PRKD1: variants seen among roughly 807,000 people sequenced by gnomAD.
PRKD1 encodes protein kinase D1.
In PRKD1, 63 loss-of-function variants were observed where a neutral mutation model predicts 95.9. The observed-to-expected ratio is 0.66, with a 90% confidence interval of 0.54 to 0.81. PRKD1 has a LOEUF of 0.81. PRKD1 is among the 30% of genes least tolerant of loss of function. The probability of loss-of-function intolerance (pLI) is 0.00; values close to 1 mark genes in which losing one functional copy is unlikely to be tolerated. For synonymous variants in PRKD1, 425 were observed against 423.1 expected (o/e 1.00, Z -0.05); for missense variants, 1,048 against 1,165.3 (o/e 0.90, Z 1.47).
intron 1 of PRKD1, among the ~76,000 whole-genome samples, chr14:29,819,392 A>G (rs962994163): frequency 6.6e-6 from 1 of 152,150 alleles, no homozygotes. Context: ...GAGCACATAA[A>G]TAATAAAGCA....
intron 1 of PRKD1, among the ~76,000 whole-genome samples, chr14:29,732,656 A>G (rs758325115): frequency 6.6e-6 from 1 of 152,162 alleles, no homozygotes; most frequent in Non-Finnish European, 1.5e-5. Flanking sequence ...GATGGCAAAC[A>G]CTTTTCTCAG....
chr14:29,616,696 T>A (rs1171878437), intron 13 of PRKD1, among the ~76,000 whole-genome samples: 2 of 152,154 alleles, frequency 1.3e-5, no homozygotes, highest in African/African-American at 4.8e-5. Context: ...AAGCAAAGGG[T>A]TGGCAGGGCT....
intron 1 of PRKD1, among the ~76,000 whole-genome samples, chr14:29,746,139 T>C (rs1031242797): frequency 6.6e-6 from 1 of 152,054 alleles, no homozygotes; most frequent in Non-Finnish European, 1.5e-5. Context: ...GTGTGGAACC[T>C]CCAGGTCTCT....
chr14:29,801,800 T>C (rs1328711602), intron 1 of PRKD1, among the ~76,000 whole-genome samples: 1 of 152,228 alleles, frequency 6.6e-6, no homozygotes, highest in Non-Finnish European at 1.5e-5. Flanking sequence ...GCGTTTCTCC[T>C]GCCTCAGCAT....
chr14:29,665,368 C>A (rs1259087202), intron 3 of PRKD1, among the ~76,000 whole-genome samples: 1 of 152,084 alleles, frequency 6.6e-6, no homozygotes, highest in Non-Finnish European at 1.5e-5. Flanking sequence ...AGTTTTTCAT[C>A]CCTCAGCCAC....
intron 1 of PRKD1, among the ~76,000 whole-genome samples, chr14:29,899,542 G>T (rs544658188): frequency 4.9e-4 from 75 of 152,276 alleles, no homozygotes; most frequent in African/African-American, 1.8e-3. Flanking sequence ...AGCTACTCAG[G>T]AGGCTGAAGC....
intron 4 of PRKD1, among the ~76,000 whole-genome samples, chr14:29,651,780 G>C (rs1881520399): frequency 6.6e-6 from 1 of 150,678 alleles, no homozygotes; most frequent in South Asian, 2.1e-4. Flanking sequence ...TTTTGTTCTT[G>C]TTGTGCAGTC....
chr14:29,626,201 T>G (rs563335993), intron 12 of PRKD1, among the ~76,000 whole-genome samples: 2 of 152,328 alleles, frequency 1.3e-5, no homozygotes, highest in African/African-American at 4.8e-5. Flanking sequence ...ATATTTTGTC[T>G]GATATTCCAA....
chr14:29,775,995 G>A lies in PRKD1; in HGVS notation c.265-50321C>T, dbSNP rs549366581. The stretch of plus-strand genomic sequence containing the variant: ...CAACATTGGCTGTTCTGCAATACTC[G>A]CTCTTCTGCAGCCTCCGTTGGTGGT... On this transcript the variant is annotated intron_variant, in intron 1 of 17. Transcript: ENST00000331968. 4.6e-5 allele frequency among the ~76,000 whole-genome samples: 7 copies of A among 152,232 alleles called. No individual in the cohort carries two copies. In the South Asian group the frequency reaches 8.3e-4, roughly 18 times the overall value.
At chr14:29,633,039 G>A (rs1880128957) in intron 8 of PRKD1, 93 bp from the exon 9 acceptor site, 12 of 1,172,160 alleles carry the variant, frequency 1.0e-5, no homozygotes, top group South Asian at 1.0e-4. Context: ...AGGGACATGC[G>A]ATTTGAGGGT....
At chr14:29,709,153 A>G (rs1313902009) in intron 2 of PRKD1, among the ~76,000 whole-genome samples, 1 of 152,196 alleles carries the variant, frequency 6.6e-6, no homozygotes, top group Non-Finnish European at 1.5e-5. Context: ...AAGTTGTCCC[A>G]TAAAGTTAGC....
intron 1 of PRKD1, among the ~76,000 whole-genome samples, chr14:29,860,681 T>C (rs1346415167): frequency 6.6e-6 from 1 of 152,232 alleles, no homozygotes. Context: ...TTTCACTTAA[T>C]AAACATACCT....
Position 29,679,725 on chromosome 14 carries a change from CTT to C in PRKD1, c.404-13519_404-13518del, listed in dbSNP as rs11299614. ...GTAAAAGATGAAGGAAGGTACAAATCTTTTTTTTTTTTTTTTTTCTGATCTGG... is the reference window on the plus strand; with the variant it reads ...GTAAAAGATGAAGGAAGGTACAAATCTTTTTTTTTTTTTTTTCTGATCTGG... On this transcript the variant is annotated intron_variant, in intron 2 of 17. Coordinates refer to ENST00000331968, the MANE Select transcript of PRKD1 (RefSeq NM_002742.3). Among the ~76,000 whole-genome samples, 387 of 127,666 alleles carry C rather than the reference CTT, an allele frequency of 3.0e-3. 1 individual carries two copies. The highest frequency in any genetic ancestry group is 9.3e-3 in the African/African-American group (301 of 32,516). 83.8% of individuals were successfully genotyped at this position (127,666 alleles called of 152,430 possible).
At chr14:29,746,195 C>CTTGCCTTATCAGAGTA (rs1307059046) in intron 1 of PRKD1, among the ~76,000 whole-genome samples, 3 of 152,078 alleles carry the variant, frequency 2.0e-5, no homozygotes, top group Admixed American at 2.0e-4. Flanking sequence ...AATTTCCTTC[C>CTTGCCTTATCAGAGTA]TTGCCTTATC....
intron 1 of PRKD1, among the ~76,000 whole-genome samples, chr14:29,843,829 A>G (rs1891968332): frequency 6.6e-6 from 1 of 152,208 alleles, no homozygotes; most frequent in Non-Finnish European, 1.5e-5. Context: ...ACAGTATGGG[A>G]GATTAAGAGT....
intron 10 of PRKD1, among the ~76,000 whole-genome samples, chr14:29,629,541 G>A (rs1224745975): frequency 3.9e-5 from 6 of 152,142 alleles, no homozygotes; most frequent in Admixed American, 2.6e-4. Context: ...ATGTATTTTC[G>A]TTGTAGAGAT....
intron 13 of PRKD1, among the ~76,000 whole-genome samples, chr14:29,616,322 G>A (rs1276529211): frequency 2.0e-5 from 3 of 150,512 alleles, no homozygotes; most frequent in African/African-American, 4.9e-5. Context: ...TGACAAGAGG[G>A]AAATTTATAA....
At chr14:29,805,096 G>C (rs1890182227) in intron 1 of PRKD1, among the ~76,000 whole-genome samples, 1 of 152,186 alleles carries the variant, frequency 6.6e-6, no homozygotes, top group Non-Finnish European at 1.5e-5. Context: ...TGGATATCTT[G>C]TTAGACTATA....
chr14:29,852,730 A>G (rs1265529786), intron 1 of PRKD1, among the ~76,000 whole-genome samples: 2 of 152,216 alleles, frequency 1.3e-5, no homozygotes, highest in African/African-American at 4.8e-5. Flanking sequence ...AGATTTTGAA[A>G]AGAAAATGAA....
Sources: gnomAD v4.1 joint callset for allele counts (sites outside exome capture counted in the v4.1 genomes callset) on GRCh38, gnomAD v4.1.1 for gene constraint, MANE v1.5 for transcripts, NCBI Gene and HGNC (gene_info 2026-07-23, HGNC 2026-07-21) for gene names.